ZNRF1: variants seen among roughly 807,000 people sequenced by gnomAD.
ZNRF1 encodes zinc and ring finger 1, also known as E3 ubiquitin-protein ligase ZNRF1.
ZNRF1 carries 3 observed loss-of-function variants against 18.4 expected under a neutral mutation model. The observed-to-expected ratio is 0.16, with a 90% CI of 0.07 to 0.42. The LOEUF (loss-of-function observed/expected upper bound fraction) is 0.42, where lower values mean the gene tolerates loss of function less well. ZNRF1 is among the 10% of genes least tolerant of loss of function. The pLI is 0.99. For synonymous variants in ZNRF1, 157 were observed against 144.2 expected (o/e 1.09, Z -0.64); for missense variants, 310 against 329.8 (o/e 0.94, Z 0.47).
chr16:75,093,506 G>A, intron 1 of ZNRF1, 66 bp from the exon 2 acceptor site: 1 of 1,252,158 alleles, frequency 8.0e-7, no homozygotes, highest in Non-Finnish European at 1.2e-6. Context: ...ATTCGAGAGT[G>A]TCCACATGTA....
intron 1 of ZNRF1, among the ~76,000 whole-genome samples, chr16:75,091,677 C>T (rs923913396): frequency 6.6e-6 from 1 of 151,844 alleles, no homozygotes; most frequent in Non-Finnish European, 1.5e-5. Flanking sequence ...GGACTACAGG[C>T]ACACACCACC....
At chr16:75,028,388 G>A (rs1370700051) in intron 1 of ZNRF1, among the ~76,000 whole-genome samples, 1 of 152,150 alleles carries the variant, frequency 6.6e-6, no homozygotes, top group African/African-American at 2.4e-5. Context: ...CTGTCTCCTG[G>A]GTTCAAGTGA....
chr16:75,067,003 G>A (rs1419598993), intron 1 of ZNRF1, among the ~76,000 whole-genome samples: 2 of 152,170 alleles, frequency 1.3e-5, no homozygotes, highest in African/African-American at 2.4e-5. Flanking sequence ...AGCCTCTCTT[G>A]AGGTTGCAGT....
rs1452398226 is a variant in ZNRF1 at position 75,108,613 on chromosome 16, CTTATA to C, written c.*914_*918del. On this transcript the variant is annotated 3_prime_UTR_variant, in exon 5 of 5. Coordinates refer to ENST00000335325, the MANE Select transcript of ZNRF1 (RefSeq NM_032268.5). ...TTATATATTAAAATACAAAAAAAAA[CTTATA>C]AAATGTTTAAAAAAATGTTCAAAGC... 1 of 398,616 alleles carries C rather than the reference CTTATA, an allele frequency of 2.5e-6. No individual in the cohort carries two copies. The highest frequency in any genetic ancestry group is 4.4e-6 in the Non-Finnish European group (1 of 226,014). 24.7% of individuals were successfully genotyped at this position (398,616 alleles called of 1,614,324 possible). A position where few individuals can be genotyped will look rare whatever the true frequency, so the allele number is the denominator to read the frequency against.
Position 75,092,757 on chromosome 16 carries a change from G to A in ZNRF1, c.425-815G>A, listed in dbSNP as rs368229452. On this transcript the variant is annotated intron_variant, in intron 1 of 4. Coordinates refer to ENST00000335325, the MANE Select transcript of ZNRF1 (RefSeq NM_032268.5). ...GACAGTGGCCTTAAGCCACAAAGGA[G>A]GCAGAGGGGGCTGTGGGTGAGGGAG... Among the ~76,000 whole-genome samples the A allele has an allele frequency of 3.3e-5, 5 of 152,334 alleles. No homozygotes were observed. The South Asian group carries it at 1.0e-3, about 32-fold the overall frequency.
At chr16:75,077,918 T>G (rs1206552553) in intron 1 of ZNRF1, among the ~76,000 whole-genome samples, 2 of 152,232 alleles carry the variant, frequency 1.3e-5, no homozygotes, top group East Asian at 3.8e-4. Flanking sequence ...AAAGATGCTG[T>G]GATTACATCG....
intron 1 of ZNRF1, among the ~76,000 whole-genome samples, chr16:75,064,132 C>T (rs1276579344): frequency 6.6e-6 from 1 of 151,738 alleles, no homozygotes; most frequent in Non-Finnish European, 1.5e-5. Flanking sequence ...AACCCCATCT[C>T]TACCAAAAAT....
chr16:74,999,719 G>A lies in ZNRF1; in HGVS notation c.48G>A (p.Pro16=), dbSNP rs2034811785. Reference sequence around the variant, plus strand: ...CGGCCCGCTCCCGGGGCCCCTTCCCGGGGGTCTCCACCGATGACAGCGCCG... The same window carrying A: ...CGGCCCGCTCCCGGGGCCCCTTCCCAGGGGTCTCCACCGATGACAGCGCCG... The part of the protein sequence containing the change: ...STAARSRGPF[P]GVSTDDSAVP... Residue 16 remains proline (P), a synonymous_variant, in exon 1 of 5, where the codon CCG becomes CCA. Transcript: ENST00000335325. The A allele has an allele frequency of 7.3e-7, 1 of 1,369,568 alleles. No individual in the cohort carries two copies. Among genetic ancestry groups the A allele is most frequent in the Non-Finnish European group, 9.4e-7 (1 of 1,067,702 alleles). 84.8% of individuals were successfully genotyped at this position (1,369,568 alleles called of 1,614,324 possible).
intron 1 of ZNRF1, among the ~76,000 whole-genome samples, chr16:75,052,105 G>T (rs2145375639): frequency 6.6e-6 from 1 of 152,240 alleles, no homozygotes; most frequent in East Asian, 1.9e-4. Context: ...ACCCTATCAA[G>T]ATAGAGAATG....
chr16:75,086,741 A>C (rs1555513927), intron 1 of ZNRF1, among the ~76,000 whole-genome samples: 1 of 152,186 alleles, frequency 6.6e-6, no homozygotes, highest in Non-Finnish European at 1.5e-5. Flanking sequence ...TAAGAACTGA[A>C]TGCTAAGGGC....
chr16:75,001,910 G>A lies in ZNRF1; in HGVS notation c.424+1815G>A, dbSNP rs541990313. ...TTTCATCCGATCATGGTGAGGGTAG[G>A]GAGAGCCACTGAACTGTGGGGACAG... On this transcript the variant is annotated intron_variant, in intron 1 of 4. Transcript: ENST00000335325. Among the ~76,000 whole-genome samples the A allele has an allele frequency of 3.9e-5, 6 of 152,228 alleles. No homozygotes were observed. In the South Asian group the frequency reaches 1.0e-3, roughly 26 times the overall value.
intron 2 of ZNRF1, among the ~76,000 whole-genome samples, chr16:75,097,678 A>G (rs947664444): frequency 1.3e-5 from 2 of 152,142 alleles, no homozygotes; most frequent in South Asian, 4.1e-4. Flanking sequence ...TTTGTCTGAC[A>G]TGGTGGCAAG....
At chr16:75,069,378 C>G (rs4548901) in intron 1 of ZNRF1, among the ~76,000 whole-genome samples, 10,138 of 152,184 alleles carry the variant, frequency 0.067, 371 homozygotes, top group East Asian at 0.14. Context: ...CAGGCTTAGT[C>G]TTGGATCTTT....
chr16:75,014,591 T>C (rs910705019), intron 1 of ZNRF1, among the ~76,000 whole-genome samples: 1 of 152,238 alleles, frequency 6.6e-6, no homozygotes, highest in African/African-American at 2.4e-5. Context: ...GAAAATTTTG[T>C]TTCATTACAT....
At chr16:75,074,391 G>A (rs1456451435) in intron 1 of ZNRF1, among the ~76,000 whole-genome samples, 2 of 152,190 alleles carry the variant, frequency 1.3e-5, no homozygotes, top group Non-Finnish European at 2.9e-5. Flanking sequence ...AGGGCACAGT[G>A]CTGCATAAGT....
intron 1 of ZNRF1, among the ~76,000 whole-genome samples, chr16:75,001,077 G>A (rs1299108132): frequency 1.3e-5 from 2 of 152,218 alleles, no homozygotes; most frequent in African/African-American, 4.8e-5. Flanking sequence ...CAAAAGGGAT[G>A]TGGGGGCCGC....
Position 75,107,938 on chromosome 16 carries a change from A to G in ZNRF1, c.*238A>G, listed in dbSNP as rs2036337269. 1 of 370,170 alleles carries G rather than the reference A, an allele frequency of 2.7e-6. No individual in the cohort carries two copies. Among genetic ancestry groups the G allele is most frequent in the Non-Finnish European group, 5.5e-6 (1 of 183,028 alleles). 22.9% of individuals were successfully genotyped at this position (370,170 alleles called of 1,614,324 possible). On this transcript the variant is annotated 3_prime_UTR_variant, in exon 5 of 5. Transcript: ENST00000335325. ...TATCCTTCCCCTCACCCCTCAGCCC[A>G]GGAGGGAAAGGGCATTTTCTTTTTC... is the stretch of plus-strand genomic sequence containing the variant.
chr16:75,104,925 A>C (rs1597913247), intron 3 of ZNRF1, 36 bp downstream of exon 3: 1 of 1,510,632 alleles, frequency 6.6e-7, no homozygotes, highest in Non-Finnish European at 9.0e-7. Flanking sequence ...AGTGCACCCC[A>C]CCTCCCAGAG....
chr16:75,078,458 C>T (rs887335370), intron 1 of ZNRF1, among the ~76,000 whole-genome samples: 5 of 152,046 alleles, frequency 3.3e-5, no homozygotes, highest in Non-Finnish European at 7.4e-5. Flanking sequence ...ATCACCATGC[C>T]CGGCTAACTT....
Sources: allele counts gnomAD v4.1 joint callset (sites outside exome capture counted in the v4.1 genomes callset), GRCh38; gene constraint gnomAD v4.1.1; transcripts MANE v1.5; gene names NCBI Gene and HGNC (gene_info 2026-07-23, HGNC 2026-07-21).